Variants in SND1 observed in about 807,000 individuals in gnomAD.
The protein encoded by SND1 is staphylococcal nuclease domain-containing protein 1.
Under a neutral mutation model 121.7 loss-of-function variants are expected in SND1, and 38 were observed. The ratio of observed to expected loss-of-function variants is 0.31; its 90% CI spans 0.24 to 0.41. The LOEUF (loss-of-function observed/expected upper bound fraction) is 0.41. Among genes scored for constraint, SND1 ranks in the 10% least tolerant of loss-of-function variants. The pLI, the probability that SND1 is intolerant of heterozygous loss-of-function variation, is 1.00. For missense variants in SND1, 868 were observed against 1,184.6 expected, an observed-to-expected ratio of 0.73 and a Z score of 3.92; for synonymous variants, 401 against 447.4, an observed-to-expected ratio of 0.90 and a Z score of 1.31.
At chr7:127,855,090 T>C (rs1207511176) in intron 12 of SND1, among the ~76,000 whole-genome samples, 1 of 151,406 alleles carries the variant, frequency 6.6e-6, no homozygotes, top group African/African-American at 2.4e-5. Flanking sequence ...TGAGATGAAG[T>C]CTAAGGCAAA....
rs1370402953 is a variant in SND1 at position 127,796,787 on chromosome 7, G to A, written c.1153-10697G>A. ...TGTGAACTTAGACTTGCCTTAATTC[G>A]TACTAATTAGCCCATTTCTGATTTT... On this transcript the variant is annotated intron_variant, in intron 10 of 23. Transcript: ENST00000354725. Among the ~76,000 whole-genome samples, 3 of 151,108 alleles carry A rather than the reference G, an allele frequency of 2.0e-5. No homozygotes were observed. The South Asian group carries it at 6.2e-4, about 31-fold the overall frequency.
chr7:127,989,144 A>C (rs1361207853), intron 15 of SND1, among the ~76,000 whole-genome samples: 3 of 151,932 alleles, frequency 2.0e-5, no homozygotes, highest in African/African-American at 7.3e-5. Flanking sequence ...AATACGTTCC[A>C]CCCCTCCCTT....
At chr7:127,915,531 A>G (rs1162077960) in intron 14 of SND1, among the ~76,000 whole-genome samples, 1 of 152,236 alleles carries the variant, frequency 6.6e-6, no homozygotes, top group Non-Finnish European at 1.5e-5. Context: ...TGATCAAACA[A>G]TAAGTATTTA....
At chr7:127,802,907 T>G (rs1798161685) in intron 10 of SND1, among the ~76,000 whole-genome samples, 1 of 152,210 alleles carries the variant, frequency 6.6e-6, no homozygotes, top group African/African-American at 2.4e-5. Context: ...CCATCCGTCT[T>G]CTTTCAGAAT....
intron 14 of SND1, among the ~76,000 whole-genome samples, chr7:127,917,051 A>AC (rs1800594714): frequency 6.6e-6 from 1 of 152,212 alleles, no homozygotes; most frequent in Non-Finnish European, 1.5e-5. Context: ...AACTGAACAA[A>AC]CTAACTTATG....
chr7:127,787,640 T>A (rs948994376), intron 10 of SND1, among the ~76,000 whole-genome samples: 2 of 152,242 alleles, frequency 1.3e-5, no homozygotes, highest in African/African-American at 4.8e-5. Context: ...GAAATTTTGC[T>A]CTTTGTTCCT....
intron 22 of SND1, 97 bp from the exon 23 acceptor site, chr7:128,091,740 G>A: frequency 2.4e-6 from 3 of 1,274,088 alleles, no homozygotes; most frequent in African/African-American, 1.5e-5. Flanking sequence ...TTGAGCAAGG[G>A]AGAGCTCTGG....
At chr7:128,003,441 A>G (rs1802884519) in intron 16 of SND1, among the ~76,000 whole-genome samples, 1 of 152,120 alleles carries the variant, frequency 6.6e-6, no homozygotes, top group South Asian at 2.1e-4. Flanking sequence ...GATGCAGTCG[A>G]ATTCTTTTTA....
intron 16 of SND1, among the ~76,000 whole-genome samples, chr7:128,056,659 T>G (rs1050309295): frequency 4.6e-5 from 7 of 152,178 alleles, no homozygotes; most frequent in Admixed American, 2.0e-4. Flanking sequence ...ACTCATGAGC[T>G]CATCAACAAT....
At chr7:127,859,700 T>C (rs980714634) in intron 12 of SND1, among the ~76,000 whole-genome samples, 1 of 152,140 alleles carries the variant, frequency 6.6e-6, no homozygotes, top group East Asian at 1.9e-4. Context: ...AAAATTAAAA[T>C]CTAAGTACTG....
intron 1 of SND1, among the ~76,000 whole-genome samples, chr7:127,679,870 G>A (rs1158785773): frequency 6.6e-6 from 1 of 151,566 alleles, no homozygotes; most frequent in Non-Finnish European, 1.5e-5. Context: ...TCTTTTTTTG[G>A]CTATTATGAA....
chr7:127,900,799 G>A (rs1214293647), intron 13 of SND1, among the ~76,000 whole-genome samples: 1 of 152,186 alleles, frequency 6.6e-6, no homozygotes, highest in Non-Finnish European at 1.5e-5. Context: ...GATGATGTTT[G>A]TCAGTTATTG....
chr7:127,950,750 G>A (rs546957958), intron 15 of SND1, among the ~76,000 whole-genome samples: 1 of 152,212 alleles, frequency 6.6e-6, no homozygotes, highest in South Asian at 2.1e-4. Context: ...ATGTAATGGT[G>A]GCTGCAGATT....
intron 16 of SND1, among the ~76,000 whole-genome samples, chr7:128,033,943 A>G (rs1478237467): frequency 2.0e-5 from 3 of 152,212 alleles, no homozygotes; most frequent in African/African-American, 4.8e-5. Flanking sequence ...ACTATCCACC[A>G]TACCAAGAAC....
At chr7:127,836,954 A>T (rs549618187) in intron 11 of SND1, among the ~76,000 whole-genome samples, 13 of 152,358 alleles carry the variant, frequency 8.5e-5, no homozygotes, top group Non-Finnish European at 1.8e-4. Flanking sequence ...CTCAGTGTAT[A>T]AATTTATCCT....
At chr7:127,886,300 T>C (rs1432650232) in intron 12 of SND1, among the ~76,000 whole-genome samples, 1 of 151,500 alleles carries the variant, frequency 6.6e-6, no homozygotes, top group Non-Finnish European at 1.5e-5. Context: ...ATTTATTTTT[T>C]CTTCTTTAAA....
chr7:127,691,344 CA>C lies in SND1; in HGVS notation c.229-3483del, dbSNP rs1264757437. 9.0e-4 allele frequency among the ~76,000 whole-genome samples: 137 copies of C among 152,026 alleles called. 1 individual carries two copies. The highest frequency in any genetic ancestry group is 2.2e-4 in the Non-Finnish European group (15 of 67,970). Reference sequence around the variant, plus strand: ...GATCATGAGGTCAGGAGTTCGAGACCAGCCTGGCCAACATGGTGAAACCTTG... The same window carrying C: ...GATCATGAGGTCAGGAGTTCGAGACCGCCTGGCCAACATGGTGAAACCTTG... On this transcript the variant is annotated intron_variant, in intron 2 of 23. Coordinates refer to ENST00000354725, the MANE Select transcript of SND1 (RefSeq NM_014390.4).
chr7:128,031,273 G>A (rs1259644209), intron 16 of SND1, among the ~76,000 whole-genome samples: 1 of 151,994 alleles, frequency 6.6e-6, no homozygotes, highest in Non-Finnish European at 1.5e-5. Context: ...CGCGGGGGAA[G>A]GCGCTTCATC....
chr7:127,719,712 T>G (rs1419104046), intron 9 of SND1, among the ~76,000 whole-genome samples: 1 of 152,218 alleles, frequency 6.6e-6, no homozygotes, highest in African/African-American at 2.4e-5. Flanking sequence ...ACTCAGTTCT[T>G]TCTTAGAACT....
Sources: allele counts gnomAD v4.1 joint callset (sites outside exome capture counted in the v4.1 genomes callset), GRCh38; gene constraint gnomAD v4.1.1; transcripts MANE v1.5; gene names NCBI Gene and HGNC (gene_info 2026-07-23, HGNC 2026-07-21).